Variants in CHST8 observed in about 807,000 individuals in gnomAD.
CHST8 encodes GALNAC-4-ST1.
A neutral mutation model predicts 15.0 loss-of-function variants in CHST8; 10 were observed. The ratio of observed to expected loss-of-function variants is 0.67; its 90% CI spans 0.41 to 1.13. The LOEUF is 1.13. Ranked by LOEUF, CHST8 falls within the 50% of genes most tolerant of loss-of-function variation. The pLI is 0.00. For synonymous variants in CHST8, 259 were observed against 256.6 expected, an observed-to-expected ratio of 1.01 and a Z score of -0.09; for missense variants, 634 against 608.2, an observed-to-expected ratio of 1.04 and a Z score of -0.45.
chr19:33,653,316 C>G (rs1349315322), intron 1 of CHST8, among the ~76,000 whole-genome samples: 1 of 152,086 alleles, frequency 6.6e-6, no homozygotes, highest in Non-Finnish European at 1.5e-5. Context: ...TTTTGGGTCC[C>G]CTCTGCTCCT....
At chr19:33,746,820 T>C (rs1009043768) in intron 3 of CHST8, among the ~76,000 whole-genome samples, 1 of 151,804 alleles carries the variant, frequency 6.6e-6, no homozygotes, top group African/African-American at 2.4e-5. Flanking sequence ...CTGGTACATT[T>C]TGTTCTTTTT....
intron 3 of CHST8, among the ~76,000 whole-genome samples, chr19:33,728,641 A>G (rs1263547038): frequency 6.6e-6 from 1 of 152,232 alleles, no homozygotes; most frequent in African/African-American, 2.4e-5. Context: ...AGGCACCCAG[A>G]CATGCACCTG....
chr19:33,648,979 C>T (rs1972396250), intron 1 of CHST8, among the ~76,000 whole-genome samples: 1 of 140,322 alleles, frequency 7.1e-6, no homozygotes, highest in South Asian at 2.2e-4. Flanking sequence ...TCTCGGCTCA[C>T]TGCAAGCTCC....
chr19:33,757,725 T>C (rs1316675448), intron 3 of CHST8, among the ~76,000 whole-genome samples: 2 of 151,758 alleles, frequency 1.3e-5, no homozygotes, highest in Non-Finnish European at 2.9e-5. Context: ...TTTGGTGTCT[T>C]TTTTTAAGAG....
chr19:33,732,241 G>A lies in CHST8; in HGVS notation c.131-39172G>A, dbSNP rs540255210. ...TTGTCTGGTCCTTCTACCAAGAATCGTTGTTCTGCACCAGCTGTTGCAAGG... is the reference window on the plus strand; with the variant it reads ...TTGTCTGGTCCTTCTACCAAGAATCATTGTTCTGCACCAGCTGTTGCAAGG... On this transcript the variant is annotated intron_variant, in intron 3 of 4. Transcript: ENST00000650847. 5.9e-5 allele frequency among the ~76,000 whole-genome samples: 9 copies of A among 152,272 alleles called. No homozygotes were observed. The South Asian group carries it at 6.2e-4, about 11-fold the overall frequency.
chr19:33,646,991 C>A (rs1205043543), intron 1 of CHST8, among the ~76,000 whole-genome samples: 1 of 152,122 alleles, frequency 6.6e-6, no homozygotes, highest in Non-Finnish European at 1.5e-5. Flanking sequence ...TTGGCCTATG[C>A]CCAGGAATGA....
rs1206787116 is a variant in CHST8 at position 33,650,490 on chromosome 19, CTTTTCT to C, written c.-163-17255_-163-17250del. Among the ~76,000 whole-genome samples, 66 of 53,258 alleles carry C rather than the reference CTTTTCT, an allele frequency of 1.2e-3. 1 individual carries two copies. The highest frequency in any genetic ancestry group is 5.6e-3 in the Admixed American group (31 of 5,554). The allele number at this position is 53,258 out of a possible 152,430, so 34.9% of individuals were successfully genotyped here. ...TTCTGGATACAAGTTTCTTTTTTTT[CTTTTCT>C]TTTTCTTTTTCTTTTTCTTTTCTTT... On this transcript the variant is annotated intron_variant, in intron 1 of 4. Coordinates refer to ENST00000650847, the MANE Select transcript of CHST8 (RefSeq NM_001127895.2).
chr19:33,699,776 G>T (rs1973296019), intron 3 of CHST8, among the ~76,000 whole-genome samples: 1 of 152,188 alleles, frequency 6.6e-6, no homozygotes, highest in African/African-American at 2.4e-5. Context: ...TGCCCTGCCT[G>T]TGCCTGTTCG....
At chr19:33,701,619 A>G (rs1413999013) in intron 3 of CHST8, among the ~76,000 whole-genome samples, 2 of 152,176 alleles carry the variant, frequency 1.3e-5, no homozygotes, top group South Asian at 2.1e-4. Context: ...ATAGAAGAGG[A>G]GATCTAATGA....
chr19:33,724,904 A>G (rs533612335), intron 3 of CHST8, among the ~76,000 whole-genome samples: 22 of 152,308 alleles, frequency 1.4e-4, no homozygotes, highest in African/African-American at 4.8e-4. Context: ...CACCCCAGCC[A>G]GGGACCAGGC....
chr19:33,628,432 T>C (rs1267807555), intron 1 of CHST8, among the ~76,000 whole-genome samples: 1 of 152,202 alleles, frequency 6.6e-6, no homozygotes, highest in Non-Finnish European at 1.5e-5. Context: ...GAAAGACCAC[T>C]GTGGCCTTAA....
At chr19:33,642,549 G>A (rs1405751965) in intron 1 of CHST8, among the ~76,000 whole-genome samples, 2 of 152,088 alleles carry the variant, frequency 1.3e-5, no homozygotes, top group Non-Finnish European at 2.9e-5. Flanking sequence ...TTTTAGTGGA[G>A]ATGGGGTTTC....
At chr19:33,768,520 C>T (rs1974899872) in intron 3 of CHST8, among the ~76,000 whole-genome samples, 1 of 152,002 alleles carries the variant, frequency 6.6e-6, no homozygotes, top group Non-Finnish European at 1.5e-5. Context: ...GGTGTGATCT[C>T]AGCTCACTGC....
At chr19:33,639,144 A>AT (rs1035927251) in intron 1 of CHST8, among the ~76,000 whole-genome samples, 1 of 150,962 alleles carries the variant, frequency 6.6e-6, no homozygotes, top group Non-Finnish European at 1.5e-5. Context: ...TTCATCAGCT[A>AT]TTTTTGGCTG....
chr19:33,690,422 T>A (rs1227553062), intron 3 of CHST8, among the ~76,000 whole-genome samples: 4 of 152,100 alleles, frequency 2.6e-5, no homozygotes, highest in South Asian at 2.1e-4. Flanking sequence ...TCCGCCCCCA[T>A]TATGGACGAG....
chr19:33,773,140 C>T lies in CHST8; in HGVS notation c.*77C>T. The T allele has an allele frequency of 2.8e-6, 4 of 1,442,860 alleles. No individual in the cohort carries two copies. The highest frequency in any genetic ancestry group is 2.3e-5 in the Admixed American group (1 of 43,542). 89.4% of individuals were successfully genotyped at this position (1,442,860 alleles called of 1,614,324 possible). A position where few individuals can be genotyped will look rare whatever the true frequency, so the allele number is the denominator to read the frequency against. On this transcript the variant is annotated 3_prime_UTR_variant, in exon 5 of 5. Transcript: ENST00000650847. Reference sequence around the variant, plus strand: ...CCCGGGCATCCTCCTGTCCCTGGCTCCTCATCCTGGGAGCAACAGGGCTCT... The same window carrying T: ...CCCGGGCATCCTCCTGTCCCTGGCTTCTCATCCTGGGAGCAACAGGGCTCT...
intron 2 of CHST8, among the ~76,000 whole-genome samples, chr19:33,686,240 G>A (rs1286689765): frequency 2.6e-5 from 4 of 152,196 alleles, no homozygotes; most frequent in South Asian, 2.1e-4. Flanking sequence ...CACCATGGAG[G>A]TGTGGTCCTG....
At chr19:33,745,198 T>G (rs1426228832) in intron 3 of CHST8, among the ~76,000 whole-genome samples, 1 of 152,192 alleles carries the variant, frequency 6.6e-6, no homozygotes, top group Admixed American at 6.5e-5. Context: ...TACTCTTAAG[T>G]CTTGAGACCT....
At chr19:33,679,592 T>C (rs978078127) in intron 2 of CHST8, among the ~76,000 whole-genome samples, 3 of 152,258 alleles carry the variant, frequency 2.0e-5, no homozygotes, top group Non-Finnish European at 2.9e-5. Flanking sequence ...CTCTGGAGAC[T>C]GTCAGACCTT....
Sources: gnomAD v4.1 joint callset for allele counts (sites outside exome capture counted in the v4.1 genomes callset) on GRCh38, gnomAD v4.1.1 for gene constraint, MANE v1.5 for transcripts, NCBI Gene and HGNC (gene_info 2026-07-23, HGNC 2026-07-21) for gene names.